Variants in CLCN4 observed in about 807,000 individuals in gnomAD.
The protein encoded by CLCN4 is H(+)/Cl(-) exchange transporter 4.
Under a neutral mutation model 41.7 loss-of-function variants are expected in CLCN4, and 1 was observed. The ratio of observed to expected loss-of-function variants is 0.02; its 90% CI spans 0.01 to 0.11. The LOEUF is 0.11. Ranked by LOEUF, CLCN4 falls within the 10% of genes least tolerant of loss-of-function variation. The pLI is 1.00. For synonymous variants in CLCN4, 277 were observed against 285.8 expected (o/e 0.97, Z 0.31); for missense variants, 287 against 661.0 (o/e 0.43, Z 6.20).
chrX:10,212,384 GA>G lies in CLCN4; in HGVS notation c.1390-82del. The stretch of plus-strand genomic sequence containing the variant: ...GACTGAAGCTAAATGCAAGCCCGTC[GA>G]GGGGGAATGTGTTTCTTGGGGGTCG... On this transcript the variant is annotated intron_variant, in intron 9 of 12. Transcript: ENST00000380833. 13 of 967,418 alleles carry G rather than the reference GA, an allele frequency of 1.3e-5. No individual in the cohort carries two copies. The South Asian group carries it at 2.8e-4, about 21-fold the overall frequency. 79.7% of individuals were successfully genotyped at this position (967,418 alleles called of 1,213,427 possible). A position where few individuals can be genotyped will look rare whatever the true frequency, so the allele number is the denominator to read the frequency against.
Position 10,237,523 on chromosome X carries a change from G to A in CLCN4, c.*3939G>A, listed in dbSNP as rs1216448833. 2.8e-5 allele frequency: 3 copies of A among 105,507 alleles called. No individual in the cohort carries two copies. The highest frequency in any genetic ancestry group is 5.9e-5 in the Non-Finnish European group (3 of 51,174). 8.7% of individuals were successfully genotyped at this position (105,507 alleles called of 1,213,427 possible). A position where few individuals can be genotyped will look rare whatever the true frequency, so the allele number is the denominator to read the frequency against. The stretch of plus-strand genomic sequence containing the variant: ...ATGAGATATATTCACATTTGGTGTT[G>A]GAACGACCACATAGCAACGTGTTGG... On this transcript the variant is annotated 3_prime_UTR_variant, in exon 13 of 13. Coordinates refer to ENST00000380833, the MANE Select transcript of CLCN4 (RefSeq NM_001830.4).
chrX:10,167,763 G>C (rs1016599239), intron 2 of CLCN4, among the ~76,000 whole-genome samples: 3 of 112,823 alleles, frequency 2.7e-5, no homozygotes. Flanking sequence ...CCTGAGAGAC[G>C]CTGAGCCAGA....
At chrX:10,179,164 G>A (rs948606805) in intron 2 of CLCN4, among the ~76,000 whole-genome samples, 1 of 112,293 alleles carries the variant, frequency 8.9e-6, no homozygotes, top group Non-Finnish European at 1.9e-5. Flanking sequence ...TAAAGTCCCA[G>A]CCCTAAACAT....
chrX:10,230,006 C>G (rs1025706801), intron 12 of CLCN4, among the ~76,000 whole-genome samples: 1 of 112,711 alleles, frequency 8.9e-6, no homozygotes, highest in Admixed American at 9.4e-5. Flanking sequence ...GTGTTACAAA[C>G]TATCCAGCTG....
At chrX:10,226,980 T>G (rs773162707) in intron 12 of CLCN4, among the ~76,000 whole-genome samples, 78 of 110,749 alleles carry the variant, frequency 7.0e-4, no homozygotes, top group African/African-American at 2.5e-3. Context: ...AAAGAGGAAC[T>G]GGTACCATTT....
intron 11 of CLCN4, among the ~76,000 whole-genome samples, chrX:10,216,093 A>G (rs1327161008): frequency 1.8e-5 from 2 of 112,020 alleles, no homozygotes; most frequent in African/African-American, 3.2e-5. Context: ...GACAGCATTT[A>G]GCTAGACACT....
intron 6 of CLCN4, among the ~76,000 whole-genome samples, chrX:10,199,115 A>G (rs1924171222): frequency 8.9e-6 from 1 of 112,700 alleles, no homozygotes; most frequent in Non-Finnish European, 1.9e-5. Context: ...GGTTGATGTT[A>G]ACATATTGCT....
rs1254396555 is a variant in CLCN4 at position 10,188,467 on chromosome X, C to T, written c.244+853C>T. ...TCTTTCCTTTTTAGAATCCCAACAC[C>T]GTGTTTGCGAGCAGTAGATGTTTCC... On this transcript the variant is annotated intron_variant, in intron 4 of 12. Transcript: ENST00000380833. Among the ~76,000 whole-genome samples the T allele has an allele frequency of 4.5e-5, 5 of 111,802 alleles. No individual in the cohort carries two copies. The East Asian group carries it at 8.5e-4, about 19-fold the overall frequency.
In CLCN4 at chrX:10,235,648, T is replaced by G. The variant is rs1484639085; in HGVS notation, c.*2064T>G. On this transcript the variant is annotated 3_prime_UTR_variant, in exon 13 of 13. Coordinates refer to ENST00000380833, the MANE Select transcript of CLCN4 (RefSeq NM_001830.4). ...TTTTCATGTTGGACAAAAACCTAGC[T>G]ACAAATGGGTTTCTATGGAACTTCT... is the stretch of plus-strand genomic sequence containing the variant. 8.9e-6 allele frequency: 1 copy of G among 112,175 alleles called. No homozygotes were observed. Among genetic ancestry groups the G allele is most frequent in the African/African-American group, 3.2e-5 (1 of 30,880 alleles). 9.2% of individuals were successfully genotyped at this position (112,175 alleles called of 1,213,427 possible). A position where few individuals can be genotyped will look rare whatever the true frequency, so the allele number is the denominator to read the frequency against.
chrX:10,203,570 CAA>C (rs929986919), intron 6 of CLCN4, among the ~76,000 whole-genome samples: 12 of 111,817 alleles, frequency 1.1e-4, no homozygotes, highest in Non-Finnish European at 1.9e-4. Context: ...GGTGAAAGAA[CAA>C]AGAGTGTTTC....
At chrX:10,170,131 G>T (rs1923354570) in intron 2 of CLCN4, among the ~76,000 whole-genome samples, 1 of 112,008 alleles carries the variant, frequency 8.9e-6, no homozygotes, top group East Asian at 2.8e-4. Context: ...GATGTCCAAA[G>T]CATTCAATAG....
chrX:10,197,897 T>G, intron 5 of CLCN4, 42 bp from the exon 6 acceptor site: 2 of 1,205,714 alleles, frequency 1.7e-6, no homozygotes, highest in Non-Finnish European at 2.2e-6. Flanking sequence ...TCAGGTCAGC[T>G]GTGGCTAATG....
intron 2 of CLCN4, 91 bp downstream of exon 2, chrX:10,158,642 G>A (rs914733423): frequency 4.0e-6 from 1 of 251,082 alleles, no homozygotes; most frequent in Non-Finnish European, 7.1e-6. Flanking sequence ...CCTGCAGCCC[G>A]GCTGCGCCCC....
At position 10,216,918 on chromosome X, in the gene CLCN4, T is replaced by TATATATATATATACACACACACAC. The variant is rs773265490; in HGVS notation, c.1975+2840_1975+2841insTATATATATATACACACACACACA. On this transcript the variant is annotated intron_variant, in intron 11 of 12. Transcript: ENST00000380833. The stretch of plus-strand genomic sequence containing the variant: ...GTGTGTATATATATATATATATATA[T>TATATATATATATACACACACACAC]ACACACACACACATAGAGGGACTTC... 7.2e-3 allele frequency among the ~76,000 whole-genome samples: 279 copies of TATATATATATATACACACACACAC among 38,881 alleles called. 2 individuals carry two copies. Among genetic ancestry groups the TATATATATATATACACACACACAC allele is most frequent in the African/African-American group, 0.011 (99 of 8,999 alleles). 33.8% of individuals were successfully genotyped at this position (38,881 alleles called of 115,157 possible). A position where few individuals can be genotyped will look rare whatever the true frequency, so the allele number is the denominator to read the frequency against.
At chrX:10,193,314 A>G (rs1333644701) in intron 4 of CLCN4, among the ~76,000 whole-genome samples, 2 of 112,517 alleles carry the variant, frequency 1.8e-5, no homozygotes, top group African/African-American at 3.2e-5. Flanking sequence ...AGTGGGCTCT[A>G]TGTGCTTGGA....
At position 10,158,399 on chromosome X, in the gene CLCN4, C is replaced by T. The variant is rs1923007317; in HGVS notation, c.-164C>T. 2 of 296,329 alleles carry T rather than the reference C, an allele frequency of 6.7e-6. No homozygotes were observed. Among genetic ancestry groups the T allele is most frequent in the Admixed American group, 6.1e-5 (1 of 16,508 alleles). The allele number at this position is 296,329 out of a possible 1,213,427, so 24.4% of individuals were successfully genotyped here. A position where few individuals can be genotyped will look rare whatever the true frequency, so the allele number is the denominator to read the frequency against. ...CTTCCAGGGTCTTCCCCCCACCCCG[C>T]GCACACCTCCCTGCCTCGCCCCGAG... On this transcript the variant is annotated 5_prime_UTR_variant, in exon 2 of 13. Coordinates refer to ENST00000380833, the MANE Select transcript of CLCN4 (RefSeq NM_001830.4).
chrX:10,165,033 C>A (rs936539404), intron 2 of CLCN4, among the ~76,000 whole-genome samples: 2 of 112,608 alleles, frequency 1.8e-5, no homozygotes, highest in East Asian at 5.6e-4. Context: ...TCCCTTGTTG[C>A]CTTCTCCAAG....
At chrX:10,214,345 T>C (rs1924651073) in intron 11 of CLCN4, among the ~76,000 whole-genome samples, 1 of 112,843 alleles carries the variant, frequency 8.9e-6, no homozygotes, top group Non-Finnish European at 1.9e-5. Flanking sequence ...GAAAAAGGCT[T>C]TAAACCCAAG....
chrX:10,216,879 ATGTGTGTGTG>A (rs201751237), intron 11 of CLCN4, among the ~76,000 whole-genome samples: 1 of 24,166 alleles, frequency 4.1e-5, no homozygotes, highest in South Asian at 8.6e-3. Flanking sequence ...TCTGTTGGGG[ATGTGTGTGTG>A]TGTGTGTGTA....
Sources: gnomAD v4.1 joint callset for allele counts (sites outside exome capture counted in the v4.1 genomes callset) on GRCh38, gnomAD v4.1.1 for gene constraint, MANE v1.5 for transcripts, NCBI Gene and HGNC (gene_info 2026-07-23, HGNC 2026-07-21) for gene names.